Variants in CTNNA1 observed in about 807,000 individuals in gnomAD.
The protein encoded by CTNNA1 is catenin alpha-1.
CTNNA1 carries 37 observed loss-of-function variants against 98.4 expected under a neutral mutation model. The observed-to-expected ratio is 0.38, with a 90% CI of 0.29 to 0.49. The LOEUF (loss-of-function observed/expected upper bound fraction) is 0.49, where lower values mean the gene tolerates loss of function less well. CTNNA1 is among the 20% of genes least tolerant of loss of function. CTNNA1 has a pLI of 0.95. For missense variants in CTNNA1, 761 were observed against 1,147.2 expected, an observed-to-expected ratio of 0.66 and a Z score of 4.86; for synonymous variants, 404 against 413.2, an observed-to-expected ratio of 0.98 and a Z score of 0.27.
At chr5:138,877,558 C>T (rs1751913825) in intron 7 of CTNNA1, among the ~76,000 whole-genome samples, 1 of 152,010 alleles carries the variant, frequency 6.6e-6, no homozygotes, top group Admixed American at 6.6e-5. Flanking sequence ...CGCCATTCTC[C>T]TGCCTCAGCC....
At chr5:138,782,053 C>T (rs1755169778) in intron 2 of CTNNA1, 24 bp downstream of exon 2, 2 of 1,598,478 alleles carry the variant, frequency 1.3e-6, no homozygotes, top group Non-Finnish European at 1.7e-6. Context: ...AACACAAATA[C>T]ATTGTAACAT....
At position 138,769,915 on chromosome 5, in the gene CTNNA1, C is replaced by T. The variant is rs186908393; in HGVS notation, c.-2-12008C>T. On this transcript the variant is annotated intron_variant, in intron 1 of 17. Coordinates refer to ENST00000302763, the MANE Select transcript of CTNNA1 (RefSeq NM_001903.5). ...AGGCTGGAGTGCAATGGCGTGATCT[C>T]GGCTCATTGCAACCTCTGCTTCTTG... 3.0e-3 allele frequency among the ~76,000 whole-genome samples: 460 copies of T among 150,942 alleles called. 1 individual carries two copies. The highest frequency in any genetic ancestry group is 0.011 in the African/African-American group (433 of 41,010).
chr5:138,911,689 C>T (rs1760664985), intron 10 of CTNNA1, among the ~76,000 whole-genome samples: 1 of 152,176 alleles, frequency 6.6e-6, no homozygotes, highest in African/African-American at 2.4e-5. Context: ...TTTCAGAATT[C>T]TGATGTCCAG....
chr5:138,919,213 A>C (rs1449849269), intron 11 of CTNNA1, among the ~76,000 whole-genome samples: 1 of 152,202 alleles, frequency 6.6e-6, no homozygotes, highest in African/African-American at 2.4e-5. Flanking sequence ...TTTCCCAATG[A>C]AGTACTGAAT....
intron 9 of CTNNA1, among the ~76,000 whole-genome samples, chr5:138,889,294 G>A (rs1754820095): frequency 6.6e-6 from 1 of 152,166 alleles, no homozygotes; most frequent in African/African-American, 2.4e-5. Flanking sequence ...AGGGCCAGCT[G>A]CATTATCCTC....
At chr5:138,924,969 A>G (rs899180160) in intron 12 of CTNNA1, among the ~76,000 whole-genome samples, 17 of 152,248 alleles carry the variant, frequency 1.1e-4, no homozygotes, top group African/African-American at 4.1e-4. Flanking sequence ...TAAATCTCCT[A>G]TTAGTGAGTA....
chr5:138,870,554 A>G (rs1411281494), intron 7 of CTNNA1: 1 of 152,160 alleles, frequency 6.6e-6, no homozygotes, highest in Non-Finnish European at 1.5e-5. Flanking sequence ...GGATTTTGCC[A>G]GTTATGGTCC....
chr5:138,764,705 A>AT (rs1208426540), intron 1 of CTNNA1, among the ~76,000 whole-genome samples: 8 of 151,794 alleles, frequency 5.3e-5, no homozygotes, highest in African/African-American at 1.9e-4. Flanking sequence ...TCCTGACCTC[A>AT]GGTGATCCGC....
chr5:138,820,083 T>C (rs1759877832), intron 5 of CTNNA1, among the ~76,000 whole-genome samples: 1 of 123,902 alleles, frequency 8.1e-6, no homozygotes, highest in African/African-American at 3.1e-5. Context: ...TGCAGAACCA[T>C]GAGCCAATTA....
At chr5:138,785,219 G>A (rs1351422017) in intron 3 of CTNNA1, among the ~76,000 whole-genome samples, 8 of 151,006 alleles carry the variant, frequency 5.3e-5, no homozygotes, top group African/African-American at 2.0e-4. Context: ...CCGCCACTAC[G>A]CCCGGCTAAT....
At chr5:138,771,198 A>C (rs1753515782) in intron 1 of CTNNA1, among the ~76,000 whole-genome samples, 1 of 151,600 alleles carries the variant, frequency 6.6e-6, no homozygotes, top group Non-Finnish European at 1.5e-5. Context: ...TGAAGGCTAA[A>C]TGGTTGGCTG....
chr5:138,887,668 C>G, intron 9 of CTNNA1, 26 bp downstream of exon 9: 1 of 1,589,446 alleles, frequency 6.3e-7, no homozygotes, highest in Non-Finnish European at 8.6e-7. Flanking sequence ...GTTTCATTGA[C>G]TTGTAGGCAA....
intron 10 of CTNNA1, among the ~76,000 whole-genome samples, chr5:138,913,893 C>G (rs1327133836): frequency 6.6e-6 from 1 of 152,090 alleles, no homozygotes. Flanking sequence ...CATGGTTACT[C>G]AGGCTGGAGT....
intron 7 of CTNNA1, among the ~76,000 whole-genome samples, chr5:138,877,789 C>T (rs1330641185): frequency 6.6e-6 from 1 of 152,122 alleles, no homozygotes; most frequent in Non-Finnish European, 1.5e-5. Flanking sequence ...GTTGTAAATG[C>T]CCTTATTGAA....
Position 138,845,518 on chromosome 5 carries a change from A to G in CTNNA1, c.1062+17800A>G, listed in dbSNP as rs146325208. The stretch of plus-strand genomic sequence containing the variant: ...ACTGTTTGTCACGTAGATAGTATCG[A>G]CTAAGACATTTTAAAATGTGTTTAC... On this transcript the variant is annotated intron_variant, in intron 7 of 17. Coordinates refer to ENST00000302763, the MANE Select transcript of CTNNA1 (RefSeq NM_001903.5). Among the ~76,000 whole-genome samples the G allele has an allele frequency of 8.8e-3, 1,344 of 152,354 alleles. 15 individuals are homozygous for G. The highest frequency in any genetic ancestry group is 0.017 in the Middle Eastern group (5 of 294).
intron 7 of CTNNA1, among the ~76,000 whole-genome samples, chr5:138,830,061 G>A (rs554453063): frequency 3.3e-5 from 5 of 152,194 alleles, no homozygotes; most frequent in African/African-American, 1.2e-4. Context: ...CAGCTGCTCT[G>A]GAGGCTGATG....
intron 7 of CTNNA1, among the ~76,000 whole-genome samples, chr5:138,881,452 C>T (rs1022727465): frequency 1.3e-5 from 2 of 152,140 alleles, no homozygotes; most frequent in African/African-American, 4.8e-5. Context: ...ACTGTGTTGC[C>T]CAGCCCACAG....
chr5:138,925,147 G>A, intron 12 of CTNNA1, 109 bp from the exon 13 acceptor site: 9 of 1,192,960 alleles, frequency 7.5e-6, no homozygotes, highest in Non-Finnish European at 1.1e-5. Flanking sequence ...TAGAAGCAGA[G>A]GCTCATCATA....
intron 7 of CTNNA1, among the ~76,000 whole-genome samples, chr5:138,836,033 T>TAG (rs2149804646): frequency 6.6e-6 from 1 of 152,288 alleles, no homozygotes; most frequent in Non-Finnish European, 1.5e-5. Context: ...GTATTTTTAG[T>TAG]AGAGATGGGG....
Sources: gnomAD v4.1 joint callset for allele counts (sites outside exome capture counted in the v4.1 genomes callset) on GRCh38, gnomAD v4.1.1 for gene constraint, MANE v1.5 for transcripts, NCBI Gene and HGNC (gene_info 2026-07-23, HGNC 2026-07-21) for gene names.